The following PHF21B variants were observed in gnomAD, a reference collection of about 807,000 sequenced individuals.
The protein encoded by PHF21B is PHD finger protein 21B, also known as PHD finger protein 4.
Under a neutral mutation model 62.2 loss-of-function variants are expected in PHF21B, and 22 were observed. That is an observed-to-expected ratio of 0.35 (90% CI 0.25 to 0.51). PHF21B has a LOEUF of 0.51. Ranked by LOEUF, PHF21B falls within the 20% of genes least tolerant of loss-of-function variation. The pLI, the probability that PHF21B is intolerant of heterozygous loss-of-function variation, is 0.97. For synonymous variants in PHF21B, 341 were observed against 314.7 expected (o/e 1.08, Z -0.88); for missense variants, 701 against 707.9 (o/e 0.99, Z 0.11).
chr22:44,972,111 G>A (rs2072650008), intron 2 of PHF21B, among the ~76,000 whole-genome samples: 1 of 152,210 alleles, frequency 6.6e-6, no homozygotes. Flanking sequence ...TGACAGGGCT[G>A]GGTCTTGGGG....
chr22:44,936,502 A>C (rs5765095), intron 2 of PHF21B, among the ~76,000 whole-genome samples: 122,621 of 152,174 alleles, frequency 0.81, 49,625 homozygotes, highest in East Asian at 0.96. Context: ...CTCGCTGCCC[A>C]CTCGAGACAG....
chr22:44,943,287 G>A (rs1044427571), intron 2 of PHF21B, among the ~76,000 whole-genome samples: 3 of 152,152 alleles, frequency 2.0e-5, no homozygotes, highest in Admixed American at 6.5e-5. Context: ...CCAGGGGCTC[G>A]GGGACACAGA....
chr22:44,903,208 C>G (rs186307574), intron 5 of PHF21B, among the ~76,000 whole-genome samples: 1 of 152,292 alleles, frequency 6.6e-6, no homozygotes, highest in East Asian at 1.9e-4. Context: ...CTGACCCAGC[C>G]CTGTCTAAGC....
intron 2 of PHF21B, among the ~76,000 whole-genome samples, chr22:44,991,995 AC>A (rs1353229748): frequency 6.6e-6 from 1 of 152,194 alleles, no homozygotes; most frequent in Non-Finnish European, 1.5e-5. Context: ...AAGAAACCAG[AC>A]CCGGACGTTG....
At chr22:44,999,871 C>T (rs1405479079) in intron 2 of PHF21B, among the ~76,000 whole-genome samples, 1 of 152,014 alleles carries the variant, frequency 6.6e-6, no homozygotes, top group Non-Finnish European at 1.5e-5. Flanking sequence ...CACAGGAACA[C>T]CAGGACGCGT....
At chr22:44,891,995 T>A (rs2070974484) in intron 7 of PHF21B, among the ~76,000 whole-genome samples, 1 of 152,208 alleles carries the variant, frequency 6.6e-6, no homozygotes. Flanking sequence ...CCCCTCGGGC[T>A]GTGTGCCTGC....
chr22:44,887,172 A>AAAG (rs1364582846), intron 10 of PHF21B, among the ~76,000 whole-genome samples: 6 of 151,268 alleles, frequency 4.0e-5, no homozygotes, highest in African/African-American at 1.2e-4. Context: ...AAAAAAAAAA[A>AAAG]AAAGAAAGAA....
At chr22:44,941,322 G>A (rs560116046) in intron 2 of PHF21B, among the ~76,000 whole-genome samples, 158 of 152,306 alleles carry the variant, frequency 1.0e-3, no homozygotes, top group Non-Finnish European at 1.8e-3. Context: ...AGCTCTCAGC[G>A]GGGACTTCGG....
intron 2 of PHF21B, among the ~76,000 whole-genome samples, chr22:45,005,588 C>G (rs749294968): frequency 2.0e-5 from 3 of 152,168 alleles, no homozygotes; most frequent in Admixed American, 2.0e-4. Flanking sequence ...AGAAAAACAT[C>G]GCGCTAAGGG....
At chr22:44,988,385 C>A (rs576221213) in intron 2 of PHF21B, among the ~76,000 whole-genome samples, 1 of 152,264 alleles carries the variant, frequency 6.6e-6, no homozygotes, top group African/African-American at 2.4e-5. Flanking sequence ...TTGCTTGAGC[C>A]CTGGAGGTCA....
chr22:44,936,595 G>T lies in PHF21B; in HGVS notation c.121-16105C>A, dbSNP rs2071852547. 2.6e-5 allele frequency among the ~76,000 whole-genome samples: 4 copies of T among 152,304 alleles called. No homozygotes were observed. The South Asian group carries it at 8.3e-4, about 32-fold the overall frequency. On this transcript the variant is annotated intron_variant, in intron 2 of 12. Coordinates refer to ENST00000313237, the MANE Select transcript of PHF21B (RefSeq NM_138415.5). ...GACGGGTTTCAAGTGGGACCTTGAAGACTCATGAAAAGATATTAAAGTATC... is the reference window on the plus strand; with the variant it reads ...GACGGGTTTCAAGTGGGACCTTGAATACTCATGAAAAGATATTAAAGTATC...
chr22:45,009,457 C>A lies in PHF21B; in HGVS notation c.54+39G>T. 1 of 1,519,066 alleles carries A rather than the reference C, an allele frequency of 6.6e-7. No homozygotes were observed. Among genetic ancestry groups the A allele is most frequent in the East Asian group, 2.5e-5 (1 of 39,542 alleles). 94.1% of individuals were successfully genotyped at this position (1,519,066 alleles called of 1,614,324 possible). ...GTCCCCCGACCCCCTCACCCCGCAACACACTCCCCGGCCCCGGGCCCGGCC... is the reference window on the plus strand; with the variant it reads ...GTCCCCCGACCCCCTCACCCCGCAAAACACTCCCCGGCCCCGGGCCCGGCC... On this transcript the variant is annotated intron_variant, in intron 1 of 12. Transcript: ENST00000313237. The surrounding 1 kb of genome is among the most constrained non-coding windows in gnomAD (Gnocchi z 5.9).
intron 2 of PHF21B, among the ~76,000 whole-genome samples, chr22:45,003,789 T>C (rs1266150824): frequency 6.6e-6 from 1 of 152,210 alleles, no homozygotes; most frequent in African/African-American, 2.4e-5. Context: ...GAGTTCTCTC[T>C]ACAGGGCGGG....
At chr22:44,920,523 G>A in intron 2 of PHF21B, 33 bp from the exon 3 acceptor site, 2 of 1,558,244 alleles carry the variant, frequency 1.3e-6, no homozygotes, top group Non-Finnish European at 1.8e-6. Flanking sequence ...GCTGAGACAG[G>A]AGGAGCAGCT....
At chr22:45,006,804 A>C (rs761092525) in intron 2 of PHF21B, among the ~76,000 whole-genome samples, 13 of 152,088 alleles carry the variant, frequency 8.5e-5, no homozygotes, top group Non-Finnish European at 1.6e-4. Flanking sequence ...CCCAGTGAAA[A>C]AAGGGCTTAG....
chr22:44,953,097 C>T (rs2072225785), intron 2 of PHF21B, among the ~76,000 whole-genome samples: 1 of 152,200 alleles, frequency 6.6e-6, no homozygotes, highest in Admixed American at 6.5e-5. Flanking sequence ...GCAGCCCCTT[C>T]CTCTCTCTGA....
intron 1 of PHF21B, 85 bp from the exon 2 acceptor site, chr22:45,008,695 C>G: frequency 7.6e-6 from 9 of 1,186,772 alleles, no homozygotes; most frequent in Non-Finnish European, 9.5e-6. Context: ...ACCCCCCGCC[C>G]GGAGCCCCAC....
At chr22:45,004,281 G>A (rs1569287594) in intron 2 of PHF21B, among the ~76,000 whole-genome samples, 2 of 152,252 alleles carry the variant, frequency 1.3e-5, no homozygotes, top group South Asian at 4.2e-4. Flanking sequence ...TTAAGTAGAC[G>A]CAGTGAAGGG....
chr22:44,898,254 C>G (rs1034534736), intron 5 of PHF21B, among the ~76,000 whole-genome samples: 1 of 152,136 alleles, frequency 6.6e-6, no homozygotes, highest in African/African-American at 2.4e-5. Context: ...CAGAGCCACC[C>G]TCAATTGGGA....
Sources: allele counts gnomAD v4.1 joint callset (sites outside exome capture counted in the v4.1 genomes callset), GRCh38; gene constraint gnomAD v4.1.1; non-coding constraint Gnocchi (gnomAD v3.1); transcripts MANE v1.5; gene names NCBI Gene and HGNC (gene_info 2026-07-23, HGNC 2026-07-21).